Variants in ASTN2 observed in about 807,000 individuals in gnomAD.
ASTN2 encodes the protein astrotactin 2, also known as astrotactin-2.
ASTN2 carries 54 observed loss-of-function variants against 139.8 expected under a neutral mutation model. That is an observed-to-expected ratio of 0.39 (90% CI 0.31 to 0.48). ASTN2 has a LOEUF of 0.48. Ranked by LOEUF, ASTN2 falls within the 20% of genes least tolerant of loss-of-function variation. The probability of loss-of-function intolerance (pLI) is 0.95; values close to 1 mark genes in which losing one functional copy is unlikely to be tolerated. For missense variants in ASTN2, 1,565 were observed against 1,725.1 expected (o/e 0.91, Z 1.64); for synonymous variants, 756 against 719.5 (o/e 1.05, Z -0.81).
Position 116,651,705 on chromosome 9 carries a change from T to G in ASTN2, c.2895A>C (p.Ser965=), listed in dbSNP as rs374263481. Residue 965 remains serine (S), a synonymous_variant, in exon 17 of 23, where the codon TCA becomes TCC. Coordinates refer to ENST00000313400, the MANE Select transcript of ASTN2 (RefSeq NM_001365068.1). Reference sequence around the variant, plus strand: ...CCACACCTGAAATGAGCTGGTCATCTGACAGCATCTGGGCTGTCAGCAAAC... The same window carrying G: ...CCACACCTGAAATGAGCTGGTCATCGGACAGCATCTGGGCTGTCAGCAAAC... ...LSGLLTAQML[S]DDQLISGVEI... 5 of 1,614,072 alleles carry G rather than the reference T, an allele frequency of 3.1e-6. No homozygotes were observed. In the African/African-American group the frequency reaches 6.7e-5, roughly 22 times the overall value.
intron 3 of ASTN2, among the ~76,000 whole-genome samples, chr9:117,155,380 T>A (rs16934355): frequency 0.015 from 2,350 of 152,028 alleles, 53 homozygotes; most frequent in African/African-American, 0.054. Context: ...TAGAGATCCA[T>A]CCTAGGGAGC....
intron 1 of ASTN2, among the ~76,000 whole-genome samples, chr9:117,348,882 CAAA>C (rs58386335): frequency 3.1e-5 from 4 of 130,356 alleles, no homozygotes; most frequent in Non-Finnish European, 3.2e-5. Flanking sequence ...TGTCTCTGTC[CAAA>C]AAAAAAAAAA....
intron 2 of ASTN2, among the ~76,000 whole-genome samples, chr9:117,234,410 C>G (rs1222252445): frequency 6.6e-6 from 1 of 152,216 alleles, no homozygotes; most frequent in Non-Finnish European, 1.5e-5. Flanking sequence ...GGCCATGTGT[C>G]TCCTACCGTG....
At chr9:117,095,838 G>A (rs1391119467) in intron 5 of ASTN2, among the ~76,000 whole-genome samples, 2 of 152,080 alleles carry the variant, frequency 1.3e-5, no homozygotes, top group African/African-American at 4.8e-5. Context: ...GAATAAGGTG[G>A]GACAGAAAGC....
chr9:117,023,049 G>C (rs1461159818), intron 6 of ASTN2, among the ~76,000 whole-genome samples: 1 of 152,102 alleles, frequency 6.6e-6, no homozygotes, highest in Non-Finnish European at 1.5e-5. Flanking sequence ...GGTAAAGGAA[G>C]GGGGAGGAAT....
chr9:117,061,143 A>ATTTG (rs1839278329), intron 5 of ASTN2, among the ~76,000 whole-genome samples: 1 of 104,466 alleles, frequency 9.6e-6, no homozygotes, highest in Admixed American at 8.2e-5. Context: ...CCAGTCTTTT[A>ATTTG]TTTATTTATT....
At position 117,176,191 on chromosome 9, in the gene ASTN2, A is replaced by G. The variant is rs1031591947; in HGVS notation, c.1016-34713T>C. The stretch of plus-strand genomic sequence containing the variant: ...TTCATATCTTACAGAATGGCAAAAT[A>G]TAATAAGGGTTGTCGAGAATTTGGG... On this transcript the variant is annotated intron_variant, in intron 3 of 22. Coordinates refer to ENST00000313400, the MANE Select transcript of ASTN2 (RefSeq NM_001365068.1). Among the ~76,000 whole-genome samples the G allele has an allele frequency of 2.9e-4, 44 of 152,182 alleles. 1 individual carries two copies. The highest frequency in any genetic ancestry group is 1.0e-4 in the Non-Finnish European group (7 of 67,994).
At position 117,332,935 on chromosome 9, in the gene ASTN2, A is replaced by G. The variant is rs186315887; in HGVS notation, c.443-41422T>C. ...TGTATTATATGATTCCATTTGTGTGATATGTCCAGAAAGTAGACTAGTGGT... is the reference window on the plus strand; with the variant it reads ...TGTATTATATGATTCCATTTGTGTGGTATGTCCAGAAAGTAGACTAGTGGT... On this transcript the variant is annotated intron_variant, in intron 1 of 22. Coordinates refer to ENST00000313400, the MANE Select transcript of ASTN2 (RefSeq NM_001365068.1). Among the ~76,000 whole-genome samples, 23 of 152,312 alleles carry G rather than the reference A, an allele frequency of 1.5e-4. No homozygotes were observed. The East Asian group carries it at 4.4e-3, about 29-fold the overall frequency.
intron 6 of ASTN2, among the ~76,000 whole-genome samples, chr9:117,016,614 ATCTATC>A (rs1303194925): frequency 0.029 from 230 of 7,996 alleles, 10 homozygotes; most frequent in African/African-American, 0.036. Flanking sequence ...CTATATCTAT[ATCTATC>A]TATCTATATA....
chr9:117,232,302 T>C (rs1329689340), intron 2 of ASTN2, among the ~76,000 whole-genome samples: 1 of 152,170 alleles, frequency 6.6e-6, no homozygotes, highest in Non-Finnish European at 1.5e-5. Context: ...TTGATCAAGA[T>C]AAATTTCCCC....
intron 16 of ASTN2, among the ~76,000 whole-genome samples, chr9:116,713,100 CTAATAT>C (rs1178138549): frequency 2.0e-5 from 3 of 152,040 alleles, no homozygotes; most frequent in Admixed American, 6.6e-5. Flanking sequence ...TGTTTGAGTC[CTAATAT>C]TATTAACTAA....
At chr9:116,616,343 ATGAG>A (rs1026351948) in intron 19 of ASTN2, among the ~76,000 whole-genome samples, 2 of 152,172 alleles carry the variant, frequency 1.3e-5, no homozygotes, top group Admixed American at 6.5e-5. Flanking sequence ...AGTAGAGAGA[ATGAG>A]TGAGTGCACT....
At chr9:116,870,777 A>G (rs1833141690) in intron 10 of ASTN2, among the ~76,000 whole-genome samples, 1 of 152,180 alleles carries the variant, frequency 6.6e-6, no homozygotes, top group African/African-American at 2.4e-5. Flanking sequence ...ACAGATGCTG[A>G]CATGGCCTGC....
At chr9:116,761,251 C>A (rs1248451503) in intron 13 of ASTN2, among the ~76,000 whole-genome samples, 1 of 152,170 alleles carries the variant, frequency 6.6e-6, no homozygotes, top group African/African-American at 2.4e-5. Context: ...TCTCAGAGAA[C>A]ACAGATAAAT....
intron 1 of ASTN2, among the ~76,000 whole-genome samples, chr9:117,349,082 C>T (rs1829311061): frequency 6.6e-6 from 1 of 152,138 alleles, no homozygotes; most frequent in South Asian, 2.1e-4. Flanking sequence ...CCGGGAGGCC[C>T]ATTGATCATC....
intron 19 of ASTN2, among the ~76,000 whole-genome samples, chr9:116,504,914 A>AAAAAC (rs3040260): frequency 6.7e-6 from 1 of 148,586 alleles, no homozygotes; most frequent in African/African-American, 2.5e-5. Flanking sequence ...AAAAAAAAAA[A>AAAAAC]CCCAAAACAA....
chr9:116,427,442 T>C (rs1467844545), intron 22 of ASTN2, among the ~76,000 whole-genome samples: 1 of 152,242 alleles, frequency 6.6e-6, no homozygotes, highest in African/African-American at 2.4e-5. Flanking sequence ...CCAGGTCACA[T>C]TACAAGTCAG....
At chr9:116,461,987 A>G (rs139748526) in intron 20 of ASTN2, among the ~76,000 whole-genome samples, 59 of 152,188 alleles carry the variant, frequency 3.9e-4, no homozygotes, top group African/African-American at 1.3e-3. Context: ...ATTGCCTCTG[A>G]TCCTCATGTT....
Position 116,511,432 on chromosome 9 carries a change from G to T in ASTN2, c.3356-23932C>A, listed in dbSNP as rs573470864. On this transcript the variant is annotated intron_variant, in intron 19 of 22. Transcript: ENST00000313400. Reference sequence around the variant, plus strand: ...GTATTTTATTGAGGATTTTTGCATCGATGTTCATCAGGGATATTAGTCTAA... The same window carrying T: ...GTATTTTATTGAGGATTTTTGCATCTATGTTCATCAGGGATATTAGTCTAA... Among the ~76,000 whole-genome samples, 20 of 152,198 alleles carry T rather than the reference G, an allele frequency of 1.3e-4. No homozygotes were observed. The East Asian group carries it at 3.3e-3, about 25-fold the overall frequency.
Sources: allele counts gnomAD v4.1 joint callset (sites outside exome capture counted in the v4.1 genomes callset), GRCh38; gene constraint gnomAD v4.1.1; transcripts MANE v1.5; gene names NCBI Gene and HGNC (gene_info 2026-07-23, HGNC 2026-07-21).